FIGNL2: variants seen among roughly 807,000 people sequenced by gnomAD.
FIGNL2 encodes fidgetin-like protein 2.
For missense variants in FIGNL2, 1,060 were observed against 950.2 expected (o/e 1.12, Z -1.52); for synonymous variants, 565 against 484.0 (o/e 1.17, Z -2.20).
intron 1 of FIGNL2, among the ~76,000 whole-genome samples, chr12:51,828,653 G>C (rs1394715916): frequency 1.3e-5 from 2 of 152,164 alleles, no homozygotes; most frequent in African/African-American, 2.4e-5. Flanking sequence ...TCCTGTGGGT[G>C]CCTCTCCCAT....
rs769022318 is a variant in FIGNL2, at chr12:51,822,347, A to C, written c.67T>G (p.Ser23Ala). ...QWPEQHLDVSSTTPSPAHKLE... is the reference protein window; with the variant it reads ...QWPEQHLDVSATTPSPAHKLE... ...TTGTGGGCCGGCGACGGGGTGGTGG[A>C]GGAGACGTCCAGGTGCTGCTCTGGC... Residue 23 changes from serine (S) to alanine (A), a missense_variant, in exon 2 of 2, where the codon TCC becomes GCC. Coordinates refer to ENST00000618634, the MANE Select transcript of FIGNL2 (RefSeq NM_001384995.1). 2 of 1,612,856 alleles carry C rather than the reference A, an allele frequency of 1.2e-6. No homozygotes were observed. The highest frequency in any genetic ancestry group is 2.7e-5 in the African/African-American group (2 of 74,888).
At chr12:51,827,428 A>G (rs1440561851) in intron 1 of FIGNL2, among the ~76,000 whole-genome samples, 1 of 151,158 alleles carries the variant, frequency 6.6e-6, no homozygotes, top group African/African-American at 2.4e-5. Context: ...GTTTTGCCAT[A>G]TTGGCCAGAC....
At chr12:51,824,290 C>A (rs1282221708) in intron 1 of FIGNL2, 1 of 152,100 alleles carries the variant, frequency 6.6e-6, no homozygotes, top group African/African-American at 2.4e-5. Context: ...TGTATATAGT[C>A]GAAGAGGAAG....
chr12:51,821,864 G>A lies in FIGNL2; in HGVS notation c.550C>T (p.Pro184Ser). Residue 184 changes from proline to serine, a missense_variant, in exon 2 of 2, where the codon CCG (proline) becomes TCG (serine). Coordinates refer to ENST00000618634, the MANE Select transcript of FIGNL2 (RefSeq NM_001384995.1). ...GGTGGGGGCTGCAGGAGCGCGGCCG[G>A]GGGCGGCGGGGGCAGCGCGGCGCCC... is the stretch of plus-strand genomic sequence containing the variant. Reference protein sequence around the residue: ...QTGAALPPPPPAALLQPPPPP... With the variant: ...QTGAALPPPPSAALLQPPPPP... 1.5e-6 allele frequency: 2 copies of A among 1,297,644 alleles called. No individual in the cohort carries two copies. The highest frequency in any genetic ancestry group is 1.9e-6 in the Non-Finnish European group (2 of 1,026,100). The allele number at this position is 1,297,644 out of a possible 1,614,324, so 80.4% of individuals were successfully genotyped here.
chr12:51,834,699 G>A (rs1939551638), intron 1 of FIGNL2, among the ~76,000 whole-genome samples: 1 of 152,214 alleles, frequency 6.6e-6, no homozygotes, highest in African/African-American at 2.4e-5. Flanking sequence ...CTGACGGGAG[G>A]GGACAGCACA....
chr12:51,822,746 G>A (rs1939251723), intron 1 of FIGNL2, among the ~76,000 whole-genome samples: 1 of 152,198 alleles, frequency 6.6e-6, no homozygotes, highest in Non-Finnish European at 1.5e-5. Flanking sequence ...TGCAGGACAC[G>A]TGATCCTTAC....
rs894438664 is a variant in FIGNL2 at position 51,821,503 on chromosome 12, C to T, written c.911G>A (p.Cys304Tyr). Residue 304 changes from cysteine (C) to tyrosine (Y), a missense_variant, in exon 2 of 2, where the codon TGT (cysteine) becomes TAT (tyrosine). Coordinates refer to ENST00000618634, the MANE Select transcript of FIGNL2 (RefSeq NM_001384995.1). The stretch of plus-strand genomic sequence containing the variant: ...CTTGGCCCGGAACCCGTTGCCCCGA[C>T]ATTCGCCGTTGTCCGCGGCGGGGTA... ...ASYPAADNGE[C>Y]RGNGFRAKPP... The T allele has an allele frequency of 6.4e-6, 10 of 1,560,504 alleles. No homozygotes were observed. The highest frequency in any genetic ancestry group is 4.9e-5 in the East Asian group (2 of 40,860).
At chr12:51,834,677 C>A (rs1054476610) in intron 1 of FIGNL2, among the ~76,000 whole-genome samples, 2 of 152,202 alleles carry the variant, frequency 1.3e-5, no homozygotes, top group African/African-American at 2.4e-5. Flanking sequence ...GCTCTGTGTA[C>A]GCGTGCACAC....
rs187657172 is a variant in FIGNL2, at chr12:51,827,964, A to G, written c.-11-5540T>C. On this transcript the variant is annotated intron_variant, in intron 1 of 1. Transcript: ENST00000618634. Reference sequence around the variant, plus strand: ...CACATGGCTGTTACAGAGTGGAGACAGGACTCAAAGCCCAGGCCCTGAACC... The same window carrying G: ...CACATGGCTGTTACAGAGTGGAGACGGGACTCAAAGCCCAGGCCCTGAACC... 2.6e-5 allele frequency among the ~76,000 whole-genome samples: 4 copies of G among 152,334 alleles called. No homozygotes were observed. In the East Asian group the frequency reaches 5.8e-4, roughly 22 times the overall value.
rs987283062 is a variant in FIGNL2 at position 51,847,052 on chromosome 12, G to A, written c.-12+1488C>T. Reference sequence around the variant, plus strand: ...CCCCCTGCCCGCAGCTCGCGCGGCCGCCCGGTACCCGCGTCCCACAGCTGG... The same window carrying A: ...CCCCCTGCCCGCAGCTCGCGCGGCCACCCGGTACCCGCGTCCCACAGCTGG... On this transcript the variant is annotated intron_variant, in intron 1 of 1. Coordinates refer to ENST00000618634, the MANE Select transcript of FIGNL2 (RefSeq NM_001384995.1). The A allele has an allele frequency of 2.3e-5, 23 of 984,722 alleles. No homozygotes were observed. In the African/African-American group the frequency reaches 3.7e-4, roughly 16 times the overall value. 61.0% of individuals were successfully genotyped at this position (984,722 alleles called of 1,614,324 possible). A position where few individuals can be genotyped will look rare whatever the true frequency, so the allele number is the denominator to read the frequency against.
rs576591833 is a variant in FIGNL2 at position 51,847,607 on chromosome 12, G to A, written c.-12+933C>T. The A allele has an allele frequency of 4.4e-5, 43 of 985,108 alleles. 1 individual carries two copies. The South Asian group carries it at 1.8e-3, about 42-fold the overall frequency. The allele number at this position is 985,108 out of a possible 1,614,324, so 61.0% of individuals were successfully genotyped here. A position where few individuals can be genotyped will look rare whatever the true frequency, so the allele number is the denominator to read the frequency against. On this transcript the variant is annotated intron_variant, in intron 1 of 1. Coordinates refer to ENST00000618634, the MANE Select transcript of FIGNL2 (RefSeq NM_001384995.1). ...CCTGCGCTCCGGGCCGCCGCTGGGC[G>A]CAGGGTCCAGGCCGCGCGCTCTCTG...
chr12:51,822,450 G>A (rs1278434302), intron 1 of FIGNL2, 26 bp from the exon 2 acceptor site: 1 of 1,610,506 alleles, frequency 6.2e-7, no homozygotes, highest in African/African-American at 1.3e-5. Flanking sequence ...AGGAGGTCTG[G>A]TGAGGTCTAG....
intron 1 of FIGNL2, among the ~76,000 whole-genome samples, chr12:51,843,382 C>A (rs1389949510): frequency 1.4e-4 from 20 of 145,150 alleles, no homozygotes; most frequent in Admixed American, 2.1e-4. Flanking sequence ...ACTAAAAATA[C>A]AAAAAAAAAA....
chr12:51,822,518 T>C, intron 1 of FIGNL2, 94 bp from the exon 2 acceptor site: 1 of 1,468,350 alleles, frequency 6.8e-7, no homozygotes, highest in Non-Finnish European at 9.3e-7. Context: ...AGACTGCGGC[T>C]TGGACAGGCT....
At position 51,822,006 on chromosome 12, in the gene FIGNL2, G is replaced by A. The variant is rs751713634; in HGVS notation, c.408C>T (p.Ala136=). The A allele has an allele frequency of 6.3e-6, 10 of 1,593,750 alleles. No homozygotes were observed. Among genetic ancestry groups the A allele is most frequent in the African/African-American group, 1.3e-5 (1 of 74,462 alleles). ...CGTAGAGGGGTTCAGGGAGGTTCCCGGCTAAAACTGGGGAGCCCCCCAGGG... is the reference window on the plus strand; with the variant it reads ...CGTAGAGGGGTTCAGGGAGGTTCCCAGCTAAAACTGGGGAGCCCCCCAGGG... The part of the protein sequence containing the change: ...SGALGGSPVL[A]GNLPEPLYAG... The change falls in exon 2 of 2, where the codon GCC becomes GCT. Residue 136 remains alanine, a synonymous_variant. Coordinates refer to ENST00000618634, the MANE Select transcript of FIGNL2 (RefSeq NM_001384995.1).
At position 51,822,179 on chromosome 12, in the gene FIGNL2, C is replaced by A; in HGVS notation, c.235G>T (p.Ala79Ser). 1 of 1,611,726 alleles carries A rather than the reference C, an allele frequency of 6.2e-7. No homozygotes were observed. Among genetic ancestry groups the A allele is most frequent in the East Asian group, 2.2e-5 (1 of 44,782 alleles). ...GAGGCGTCGCTGTACCCGCCCAGGG[C>A]CGGACGCTCGTAGGGAGAATCCAAG... ...GVLDSPYERP[A>S]LGGYSDASFL... The change falls in exon 2 of 2, where the codon GCC becomes TCC. Residue 79 changes from alanine to serine, a missense_variant. Physicochemically the swap from Ala to Ser is moderately conservative, Grantham distance 99 (BLOSUM62 1). Transcript: ENST00000618634.
chr12:51,822,570 G>C (rs1939247114), intron 1 of FIGNL2, 146 bp from the exon 2 acceptor site: 1 of 844,046 alleles, frequency 1.2e-6, no homozygotes, highest in African/African-American at 1.7e-5. Flanking sequence ...CTCTCTTGGG[G>C]CCCTCCCTCC....
intron 1 of FIGNL2, among the ~76,000 whole-genome samples, chr12:51,839,906 GAC>G (rs1335461208): frequency 6.6e-6 from 1 of 152,178 alleles, no homozygotes; most frequent in Non-Finnish European, 1.5e-5. Flanking sequence ...AACATTCCCT[GAC>G]ACACAGTGGT....
At chr12:51,834,329 C>A (rs898927844) in intron 1 of FIGNL2, among the ~76,000 whole-genome samples, 7 of 152,038 alleles carry the variant, frequency 4.6e-5, no homozygotes, top group Non-Finnish European at 1.0e-4. Context: ...AAGTGTCCAG[C>A]CCCCAAAGGC....
Sources: gnomAD v4.1 joint callset for allele counts (sites outside exome capture counted in the v4.1 genomes callset) on GRCh38, gnomAD v4.1.1 for gene constraint, MANE v1.5 for transcripts, NCBI Gene and HGNC (gene_info 2026-07-23, HGNC 2026-07-21) for gene names.